LRRC4C: variants seen among roughly 807,000 people sequenced by gnomAD.
The protein encoded by LRRC4C is leucine-rich repeat-containing protein 4C.
Under a neutral mutation model 33.6 loss-of-function variants are expected in LRRC4C, and 5 were observed. The ratio of observed to expected loss-of-function variants is 0.15; its 90% CI spans 0.08 to 0.31. The LOEUF is 0.31. Ranked by LOEUF, LRRC4C falls within the 10% of genes least tolerant of loss-of-function variation. The pLI, the probability that LRRC4C is intolerant of heterozygous loss-of-function variation, is 1.00. For missense variants in LRRC4C, 560 were observed against 796.7 expected, an observed-to-expected ratio of 0.70 and a Z score of 3.58; for synonymous variants, 329 against 302.0, an observed-to-expected ratio of 1.09 and a Z score of -0.93.
At chr11:40,756,697 A>G (rs1416857585) in intron 2 of LRRC4C, among the ~76,000 whole-genome samples, 1 of 152,094 alleles carries the variant, frequency 6.6e-6, no homozygotes, top group Non-Finnish European at 1.5e-5. Context: ...CAAACTGTTA[A>G]CTTTGCTAAT....
intron 1 of LRRC4C, among the ~76,000 whole-genome samples, chr11:41,284,019 T>C (rs983218626): frequency 6.6e-6 from 1 of 152,232 alleles, no homozygotes; most frequent in African/African-American, 2.4e-5. Context: ...TGATTTGTAC[T>C]GACATAAAAA....
chr11:41,059,544 TTTC>T (rs544956152), intron 1 of LRRC4C, among the ~76,000 whole-genome samples: 19 of 152,050 alleles, frequency 1.2e-4, no homozygotes, highest in Admixed American at 8.5e-4. Flanking sequence ...TTTATAGGAG[TTTC>T]TTCTTCTTTT....
intron 1 of LRRC4C, among the ~76,000 whole-genome samples, chr11:41,188,472 C>G (rs1945794275): frequency 6.6e-6 from 1 of 151,962 alleles, no homozygotes; most frequent in Admixed American, 6.5e-5. Context: ...CCAATCCCAG[C>G]TTAATCTCTT....
At chr11:41,411,227 C>A (rs994663173) in intron 1 of LRRC4C, among the ~76,000 whole-genome samples, 2 of 138,508 alleles carry the variant, frequency 1.4e-5, no homozygotes, top group African/African-American at 5.5e-5. Flanking sequence ...CGGCTCATTG[C>A]AAGCTCTGCC....
chr11:41,421,406 C>T (rs1954869062), intron 1 of LRRC4C, among the ~76,000 whole-genome samples: 1 of 152,002 alleles, frequency 6.6e-6, no homozygotes, highest in South Asian at 2.1e-4. Context: ...CAGGAAAACA[C>T]TAATTCAACA....
At chr11:40,280,706 T>C (rs1208817896) in intron 4 of LRRC4C, among the ~76,000 whole-genome samples, 1 of 152,194 alleles carries the variant, frequency 6.6e-6, no homozygotes, top group African/African-American at 2.4e-5. Context: ...TTGTTCTTTC[T>C]AATTGTCAGA....
chr11:41,111,151 G>C (rs1590625769), intron 1 of LRRC4C, among the ~76,000 whole-genome samples: 1 of 152,064 alleles, frequency 6.6e-6, no homozygotes, highest in Non-Finnish European at 1.5e-5. Flanking sequence ...AGAAATTAAA[G>C]GGTTGAGAAT....
intron 1 of LRRC4C, among the ~76,000 whole-genome samples, chr11:41,451,637 G>A (rs1956029287): frequency 1.3e-5 from 2 of 152,068 alleles, no homozygotes; most frequent in Admixed American, 1.3e-4. Context: ...GATGAACACA[G>A]GAAGAAGTTA....
At chr11:41,201,735 A>T (rs116246944) in intron 1 of LRRC4C, among the ~76,000 whole-genome samples, 76 of 152,162 alleles carry the variant, frequency 5.0e-4, no homozygotes, top group African/African-American at 1.8e-3. Context: ...TTTTACATAG[A>T]TTTTCTTTTA....
chr11:40,524,126 G>A (rs779896210), intron 3 of LRRC4C, among the ~76,000 whole-genome samples: 2 of 152,140 alleles, frequency 1.3e-5, no homozygotes, highest in Non-Finnish European at 2.9e-5. Flanking sequence ...AAGTAACACT[G>A]AAGTAAGGGT....
intron 3 of LRRC4C, among the ~76,000 whole-genome samples, chr11:40,345,645 A>G (rs1017436891): frequency 2.0e-5 from 3 of 152,182 alleles, no homozygotes; most frequent in African/African-American, 7.2e-5. Context: ...CCCGGCAAAA[A>G]TTTCATGATG....
intron 5 of LRRC4C, among the ~76,000 whole-genome samples, chr11:40,216,523 CA>C (rs1863989573): frequency 6.6e-6 from 1 of 151,944 alleles, no homozygotes; most frequent in African/African-American, 2.4e-5. Context: ...TTCAAGAGGC[CA>C]AATGAATCAT....
chr11:40,635,781 C>T lies in LRRC4C; in HGVS notation c.-270+12361G>A, dbSNP rs1018646975. Among the ~76,000 whole-genome samples, 7 of 151,754 alleles carry T rather than the reference C, an allele frequency of 4.6e-5. No individual in the cohort carries two copies. In the South Asian group the frequency reaches 6.3e-4, roughly 14 times the overall value. On this transcript the variant is annotated intron_variant, in intron 3 of 6. Transcript: ENST00000528697. ...CCTTCCGAGTAGCTGGGACTACAGG[C>T]GCCCGCCACCATGCCCGGCTAATTT...
intron 2 of LRRC4C, among the ~76,000 whole-genome samples, chr11:40,777,324 G>A (rs1246893851): frequency 7.9e-5 from 12 of 151,980 alleles, no homozygotes; most frequent in African/African-American, 2.9e-4. Context: ...TGCGGGGTGT[G>A]GACTTCTCCT....
chr11:41,079,860 A>G (rs552464942), intron 1 of LRRC4C, among the ~76,000 whole-genome samples: 12 of 152,240 alleles, frequency 7.9e-5, no homozygotes, highest in East Asian at 1.9e-4. Flanking sequence ...TCTTCTTCCA[A>G]TGTTGCCCAG....
chr11:40,813,111 C>T (rs1320169845), intron 2 of LRRC4C, among the ~76,000 whole-genome samples: 2 of 152,122 alleles, frequency 1.3e-5, no homozygotes, highest in African/African-American at 4.8e-5. Flanking sequence ...CAAAATGATG[C>T]CAGAATAAAA....
At chr11:40,682,968 T>G (rs1319765457) in intron 2 of LRRC4C, among the ~76,000 whole-genome samples, 1 of 152,182 alleles carries the variant, frequency 6.6e-6, no homozygotes, top group East Asian at 1.9e-4. Context: ...GAGAGGTATG[T>G]TTATGAAATT....
At chr11:40,570,952 C>A (rs941677890) in intron 3 of LRRC4C, among the ~76,000 whole-genome samples, 43 of 151,936 alleles carry the variant, frequency 2.8e-4, no homozygotes, top group African/African-American at 1.0e-3. Context: ...TGCTAAAATA[C>A]AATTTTCTAT....
intron 5 of LRRC4C, among the ~76,000 whole-genome samples, chr11:40,225,965 A>G (rs1263416546): frequency 6.6e-6 from 1 of 152,184 alleles, no homozygotes. Context: ...TTTAGATTCA[A>G]AATACTACAC....
Sources: gnomAD v4.1 joint callset for allele counts (sites outside exome capture counted in the v4.1 genomes callset) on GRCh38, gnomAD v4.1.1 for gene constraint, MANE v1.5 for transcripts, NCBI Gene and HGNC (gene_info 2026-07-23, HGNC 2026-07-21) for gene names.